The following MAST4 variants were observed in gnomAD, a reference collection of about 807,000 sequenced individuals.
MAST4 encodes microtubule-associated serine/threonine-protein kinase 4.
MAST4 carries 89 observed loss-of-function variants against 162.7 expected under a neutral mutation model. That is an observed-to-expected ratio of 0.55 (90% CI 0.46 to 0.65). The LOEUF (loss-of-function observed/expected upper bound fraction) is 0.65, where lower values mean the gene tolerates loss of function less well. MAST4 is among the 30% of genes least tolerant of loss of function. MAST4 has a pLI of 0.00. For synonymous variants in MAST4, 1,479 were observed against 1,361.1 expected, an observed-to-expected ratio of 1.09 and a Z score of -1.91; for missense variants, 3,153 against 3,374.0, an observed-to-expected ratio of 0.93 and a Z score of 1.62.
chr5:66,788,778 C>G lies in MAST4; in HGVS notation c.626C>G (p.Ser209Trp), dbSNP rs1372591292. ...RSQALGQSAP[S>W]LTASLKELSL... is the part of the protein sequence containing the mutation. Reference sequence around the variant, plus strand: ...CAGGCCCTGGGCCAGTCGGCGCCCTCGCTCACCGCCAGCCTGGTGAGTGTC... The same window carrying G: ...CAGGCCCTGGGCCAGTCGGCGCCCTGGCTCACCGCCAGCCTGGTGAGTGTC... Residue 209 changes from serine to tryptophan, a missense_variant, in exon 3 of 29, where the codon TCG (serine) becomes TGG (tryptophan). Transcript: ENST00000403625. 1.3e-6 allele frequency: 2 copies of G among 1,594,382 alleles called. No individual in the cohort carries two copies. The highest frequency in any genetic ancestry group is 1.7e-6 in the Non-Finnish European group (2 of 1,169,882).
At chr5:66,688,775 T>G (rs549027361) in intron 1 of MAST4, among the ~76,000 whole-genome samples, 1 of 152,080 alleles carries the variant, frequency 6.6e-6, no homozygotes, top group Non-Finnish European at 1.5e-5. Context: ...CTTTGTGGAC[T>G]CTTAGGCAAT....
At chr5:66,836,177 A>G (rs1580586607) in intron 3 of MAST4, among the ~76,000 whole-genome samples, 1 of 152,296 alleles carries the variant, frequency 6.6e-6, no homozygotes, top group Middle Eastern at 3.4e-3. Flanking sequence ...TCTGGAAAAA[A>G]AAAAAATCAT....
chr5:66,664,095 G>C (rs1163292687), intron 1 of MAST4, among the ~76,000 whole-genome samples: 1 of 152,076 alleles, frequency 6.6e-6, no homozygotes, highest in South Asian at 2.1e-4. Flanking sequence ...AATAGAATTG[G>C]CATTTACTGA....
chr5:66,914,424 A>G (rs1339040574), intron 4 of MAST4, among the ~76,000 whole-genome samples: 1 of 152,192 alleles, frequency 6.6e-6, no homozygotes, highest in Non-Finnish European at 1.5e-5. Flanking sequence ...AGTGCAAGGG[A>G]CGTAGTTGGG....
intron 2 of MAST4, among the ~76,000 whole-genome samples, chr5:66,769,444 T>A (rs1286880451): frequency 6.6e-6 from 1 of 152,194 alleles, no homozygotes. Flanking sequence ...AATATAGTCA[T>A]GCATCGCTTA....
chr5:67,131,668 AG>A, intron 15 of MAST4, 144 bp from the exon 16 acceptor site: 1 of 638,516 alleles, frequency 1.6e-6, no homozygotes, highest in Non-Finnish European at 2.5e-6. Context: ...GAAACATGAT[AG>A]GTTAACACAT....
Position 67,152,924 on chromosome 5 carries a change from G to A in MAST4, c.3525+58G>A, listed in dbSNP as rs1772021358. 6 of 1,405,830 alleles carry A rather than the reference G, an allele frequency of 4.3e-6. No homozygotes were observed. The African/African-American group carries it at 7.1e-5, about 17-fold the overall frequency. 87.1% of individuals were successfully genotyped at this position (1,405,830 alleles called of 1,614,324 possible). On this transcript the variant is annotated intron_variant, in intron 25 of 28. Coordinates refer to ENST00000403625, the MANE Select transcript of MAST4 (RefSeq NM_001164664.2). ...TCATTTCCAGCCAAGCTGGAGAGTGGATAGGTTGGCTGATAAATAGCAAAT... is the reference window on the plus strand; with the variant it reads ...TCATTTCCAGCCAAGCTGGAGAGTGAATAGGTTGGCTGATAAATAGCAAAT...
intron 5 of MAST4, among the ~76,000 whole-genome samples, chr5:67,080,741 A>T (rs940575961): frequency 1.3e-5 from 2 of 151,388 alleles, no homozygotes; most frequent in Admixed American, 6.6e-5. Context: ...AATTTTAAAT[A>T]TTATAATATT....
chr5:66,963,100 G>C (rs184905006), intron 4 of MAST4, among the ~76,000 whole-genome samples: 5 of 152,286 alleles, frequency 3.3e-5, no homozygotes, highest in East Asian at 1.9e-4. Context: ...TTCATTGACA[G>C]TTGGATTTGA....
At chr5:67,141,379 T>TAC (rs1770396084) in intron 19 of MAST4, among the ~76,000 whole-genome samples, 1 of 152,222 alleles carries the variant, frequency 6.6e-6, no homozygotes, top group African/African-American at 2.4e-5. Context: ...TTATAACATG[T>TAC]ACCTTTTTCT....
chr5:66,821,963 G>C (rs1757017394), intron 3 of MAST4, among the ~76,000 whole-genome samples: 1 of 152,198 alleles, frequency 6.6e-6, no homozygotes, highest in Non-Finnish European at 1.5e-5. Context: ...AGGGGCATGG[G>C]CTGCCCTTAC....
intron 4 of MAST4, among the ~76,000 whole-genome samples, chr5:66,982,797 T>C (rs1194459911): frequency 6.6e-6 from 1 of 152,212 alleles, no homozygotes; most frequent in African/African-American, 2.4e-5. Flanking sequence ...TTCTCCCTCA[T>C]TAAAGTGCCT....
chr5:67,130,860 C>T (rs148063208), intron 15 of MAST4, among the ~76,000 whole-genome samples: 19 of 152,118 alleles, frequency 1.2e-4, no homozygotes, highest in African/African-American at 2.6e-4. Flanking sequence ...CCAGTCTTCC[C>T]GATTTTTAGC....
At chr5:67,133,378 T>C in intron 16 of MAST4, 136 bp from the exon 17 acceptor site, 1 of 922,766 alleles carries the variant, frequency 1.1e-6, no homozygotes, top group Non-Finnish European at 1.6e-6. Flanking sequence ...TCCATCTCTT[T>C]CCAGGCTGGG....
intron 6 of MAST4, among the ~76,000 whole-genome samples, chr5:67,095,328 C>A (rs1764329594): frequency 6.6e-6 from 1 of 152,110 alleles, no homozygotes; most frequent in African/African-American, 2.4e-5. Context: ...GTAATTATCC[C>A]TGGTATTCAT....
chr5:66,787,380 C>G (rs1222083118), intron 2 of MAST4, among the ~76,000 whole-genome samples: 1 of 152,202 alleles, frequency 6.6e-6, no homozygotes, highest in Non-Finnish European at 1.5e-5. Context: ...GCAATTCTGG[C>G]AAAAGAAGCC....
At chr5:66,845,126 T>TATATATACAC (rs1358855625) in intron 3 of MAST4, among the ~76,000 whole-genome samples, 157 of 67,082 alleles carry the variant, frequency 2.3e-3, no homozygotes, top group East Asian at 6.4e-3. Context: ...TATATATATA[T>TATATATACAC]ACACACACAC....
chr5:67,077,972 G>C (rs186173490), intron 5 of MAST4, among the ~76,000 whole-genome samples: 3 of 152,176 alleles, frequency 2.0e-5, no homozygotes, highest in Admixed American at 1.3e-4. Flanking sequence ...GGAGGTAGGC[G>C]CCTGTATTCC....
chr5:66,884,968 C>G (rs569992910), intron 3 of MAST4, among the ~76,000 whole-genome samples: 1 of 152,188 alleles, frequency 6.6e-6, no homozygotes, highest in African/African-American at 2.4e-5. Flanking sequence ...TCTTGCCCCT[C>G]CTTCCCCTAG....
Sources: allele counts gnomAD v4.1 joint callset (sites outside exome capture counted in the v4.1 genomes callset), GRCh38; gene constraint gnomAD v4.1.1; transcripts MANE v1.5; gene names NCBI Gene and HGNC (gene_info 2026-07-23, HGNC 2026-07-21).